The following SLC4A2 variants were observed in gnomAD, a reference collection of about 807,000 sequenced individuals.
SLC4A2 encodes the protein solute carrier family 4 member 2, also known as anion exchange protein 2.
In SLC4A2, 36 loss-of-function variants were observed where a neutral mutation model predicts 115.0. The ratio of observed to expected loss-of-function variants is 0.31; its 90% CI spans 0.24 to 0.41. SLC4A2 has a LOEUF of 0.41. Ranked by LOEUF, SLC4A2 falls within the 10% of genes least tolerant of loss-of-function variation. The pLI, the probability that SLC4A2 is intolerant of heterozygous loss-of-function variation, is 1.00. For synonymous variants in SLC4A2, 708 were observed against 708.3 expected, an observed-to-expected ratio of 1.00 and a Z score of 0.01; for missense variants, 1,252 against 1,705.6, an observed-to-expected ratio of 0.73 and a Z score of 4.68.
At position 151,070,087 on chromosome 7, in the gene SLC4A2, G is replaced by A; in HGVS notation, c.1283+5G>A. ...GGCTCTGCTGTTGAAACACAGGTGA[G>A]GCCCTGTGGGCCAGTTGGGGATGAC... is the stretch of plus-strand genomic sequence containing the variant. On this transcript the variant is annotated splice_donor_5th_base_variant and intron_variant, in intron 9 of 22. Transcript: ENST00000413384. 3.1e-6 allele frequency: 5 copies of A among 1,613,932 alleles called. No individual in the cohort carries two copies. Among genetic ancestry groups the A allele is most frequent in the Non-Finnish European group, 4.2e-6 (5 of 1,179,886 alleles).
At position 151,064,922 on chromosome 7, in the gene SLC4A2, C is replaced by T. The variant is rs1258598640; in HGVS notation, c.534C>T (p.Pro178=). The T allele has an allele frequency of 2.5e-6, 4 of 1,613,908 alleles. No individual in the cohort carries two copies. The South Asian group carries it at 3.3e-5, about 13-fold the overall frequency. ...GTCCATCTTCCCCTGCACCACTGCC[C>T]CACCAGGAGGCGACTCCTCGGGCCT... The part of the protein sequence containing the change: ...RTSPSSPAPL[P]HQEATPRASK... Residue 178 remains proline, a synonymous_variant, in exon 5 of 23, where the codon CCC becomes CCT. Coordinates refer to ENST00000413384, the MANE Select transcript of SLC4A2 (RefSeq NM_003040.4).
chr7:151,069,864 C>T lies in SLC4A2; in HGVS notation c.1148-83C>T. The T allele has an allele frequency of 1.5e-5, 23 of 1,562,406 alleles. No homozygotes were observed. The Middle Eastern group carries it at 1.8e-3, about 123-fold the overall frequency. ...CCAGCCCCGGCACCCACCCACCTGT[C>T]CCCAGCTCCTGCTCCCCATCCCATC... On this transcript the variant is annotated intron_variant, in intron 8 of 22. Transcript: ENST00000413384.
In SLC4A2 at chr7:151,071,342, A is replaced by T. The variant is rs1488631680; in HGVS notation, c.1975+45A>T. On this transcript the variant is annotated intron_variant, in intron 13 of 22. Transcript: ENST00000413384. The surrounding 1 kb of genome is among the most constrained non-coding windows in gnomAD (Gnocchi z 5.5). ...GGGCCAGGGCTGCCTCGAGGGGGTG[A>T]GGTGGGCAAGAGGGGCTGGGGCGCC... 6.5e-7 allele frequency: 1 copy of T among 1,547,126 alleles called. No individual in the cohort carries two copies. Among genetic ancestry groups the T allele is most frequent in the South Asian group, 1.2e-5 (1 of 84,960 alleles).
intron 16 of SLC4A2, 69 bp from the exon 17 acceptor site, chr7:151,073,970 C>T (rs896329638): frequency 4.0e-6 from 6 of 1,485,436 alleles, no homozygotes; most frequent in East Asian, 2.3e-5. Flanking sequence ...TTCCACCCGA[C>T]ACTCACTGAG....
In SLC4A2 at chr7:151,076,205, C is replaced by T. The variant is rs990990031; in HGVS notation, c.3645+19C>T. On this transcript the variant is annotated intron_variant, in intron 22 of 22. Coordinates refer to ENST00000413384, the MANE Select transcript of SLC4A2 (RefSeq NM_003040.4). ...GAAATGTGTAAGCCCTCCCGTCTGC[C>T]TCCCCCGGTTCCTCTTGCCTCCCTG... 9 of 1,611,630 alleles carry T rather than the reference C, an allele frequency of 5.6e-6. No individual in the cohort carries two copies. The highest frequency in any genetic ancestry group is 7.6e-6 in the Non-Finnish European group (9 of 1,178,910).
In SLC4A2 at chr7:151,071,683, C is replaced by T; in HGVS notation, c.2192-6C>T. The T allele has an allele frequency of 6.2e-7, 1 of 1,610,464 alleles. No individual in the cohort carries two copies. The highest frequency in any genetic ancestry group is 8.5e-7 in the Non-Finnish European group (1 of 1,177,850). On this transcript the variant is annotated splice_polypyrimidine_tract_variant and splice_region_variant and intron_variant, in intron 14 of 22. Transcript: ENST00000413384. The surrounding 1 kb of genome is among the most constrained non-coding windows in gnomAD (Gnocchi z 5.5). ...CCAGCTCCTGAGCTGGTTCCTACAC[C>T]CCTAGGAGAGAAGACGCAGGACCTG...
Position 151,066,391 on chromosome 7 carries a change from C to T in SLC4A2, c.579-126C>T, listed in dbSNP as rs34464052. Reference sequence around the variant, plus strand: ...TCCCCCTCCCCGTGCCCGCACCTCCCGGGAGTGGGAGCTAGGAGGGCCTGG... The same window carrying T: ...TCCCCCTCCCCGTGCCCGCACCTCCTGGGAGTGGGAGCTAGGAGGGCCTGG... On this transcript the variant is annotated intron_variant, in intron 5 of 22. Coordinates refer to ENST00000413384, the MANE Select transcript of SLC4A2 (RefSeq NM_003040.4). 2.1e-3 allele frequency: 2,463 copies of T among 1,179,732 alleles called. 32 individuals carry two copies. In the African/African-American group the frequency reaches 0.03, roughly 14 times the overall value. The allele number at this position is 1,179,732 out of a possible 1,614,324, so 73.1% of individuals were successfully genotyped here.
Position 151,076,424 on chromosome 7 carries a change from G to C in SLC4A2, c.*57G>C. On this transcript the variant is annotated 3_prime_UTR_variant, in exon 23 of 23. Transcript: ENST00000413384. ...GACGAGGGGACAGGCTGGTGGGATGGGGTTCCCCCTCCCATGCCCCTCCCT... is the reference window on the plus strand; with the variant it reads ...GACGAGGGGACAGGCTGGTGGGATGCGGTTCCCCCTCCCATGCCCCTCCCT... 7.5e-7 allele frequency: 1 copy of C among 1,342,194 alleles called. No homozygotes were observed. The highest frequency in any genetic ancestry group is 2.7e-5 in the East Asian group (1 of 37,202). The allele number at this position is 1,342,194 out of a possible 1,614,324, so 83.1% of individuals were successfully genotyped here.
Position 151,066,746 on chromosome 7 carries a change from C to T in SLC4A2, c.808C>T (p.Leu270=). The T allele has an allele frequency of 6.4e-7, 1 of 1,565,532 alleles. No individual in the cohort carries two copies. The change falls in exon 6 of 23, where the codon CTA becomes TTA. Residue 270 remains leucine (L), a synonymous_variant. Coordinates refer to ENST00000413384, the MANE Select transcript of SLC4A2 (RefSeq NM_003040.4). ...GGCCCAGACGCTGGCCACGGCCGAC[C>T]TAGACCTCATGAAGAGTAAGTGCTG... The part of the protein sequence containing the change: ...IEAQTLATAD[L]DLMKSHRFED...
chr7:151,071,662 C>A lies in SLC4A2; in HGVS notation c.2192-27C>A. On this transcript the variant is annotated intron_variant, in intron 14 of 22. Coordinates refer to ENST00000413384, the MANE Select transcript of SLC4A2 (RefSeq NM_003040.4). This position sits in a 1 kb window ranked among gnomAD's most constrained non-coding sequence, Gnocchi z 5.5. ...GGACTGCCCAGGGCCTGGCCACCAG[C>A]TCCTGAGCTGGTTCCTACACCCCTA... The A allele has an allele frequency of 6.2e-7, 1 of 1,611,810 alleles. No individual in the cohort carries two copies. The highest frequency in any genetic ancestry group is 1.1e-5 in the South Asian group (1 of 90,916).
rs764555228 is a variant in SLC4A2 at position 151,061,945 on chromosome 7, C to T, written c.-43C>T. 3 of 1,595,330 alleles carry T rather than the reference C, an allele frequency of 1.9e-6. No individual in the cohort carries two copies. The Admixed American group carries it at 5.1e-5, about 27-fold the overall frequency. ...TCCAGGTTATGCCTCCGCCTCGTTG[C>T]CCTGAAAGCCGCAGCGACAGCGAAA... On this transcript the variant is annotated 5_prime_UTR_variant, in exon 2 of 23. Coordinates refer to ENST00000413384, the MANE Select transcript of SLC4A2 (RefSeq NM_003040.4).
Position 151,066,757 on chromosome 7 carries a change from G to A in SLC4A2, c.819G>A (p.Met273Ile). 1 of 1,571,806 alleles carries A rather than the reference G, an allele frequency of 6.4e-7. No individual in the cohort carries two copies. Among genetic ancestry groups the A allele is most frequent in the Non-Finnish European group, 8.6e-7 (1 of 1,158,366 alleles). The change falls in exon 6 of 23, where the codon ATG becomes ATA. Residue 273 changes from methionine to isoleucine, a missense_variant. Met to Ile is a conservative substitution (Grantham distance 10). Transcript: ENST00000413384. ...TGGCCACGGCCGACCTAGACCTCAT[G>A]AAGAGTAAGTGCTGGGCCTTGGCCA... ...QTLATADLDL[M>I]KSHRFEDVPG...
chr7:151,064,879 G>A lies in SLC4A2; in HGVS notation c.491G>A (p.Arg164Gln), dbSNP rs142748851. Residue 164 changes from arginine (R) to glutamine (Q), a missense_variant, in exon 5 of 23, where the codon CGG (arginine) becomes CAG (glutamine). Physicochemically the swap from Arg to Gln is conservative, Grantham distance 43. This residue lies in a region of SLC4A2 where 215 missense variants were observed against 205.2 expected (regional missense o/e 1.05). Coordinates refer to ENST00000413384, the MANE Select transcript of SLC4A2 (RefSeq NM_003040.4). ...CTCCAAGAGGATGACAGTGCTGACC[G>A]GAAGGCAGAGAGGACCAGTCCATCT... ...FFLQEDDSAD[R>Q]KAERTSPSSP... The A allele has an allele frequency of 2.0e-4, 328 of 1,613,976 alleles. 1 individual carries two copies. Among genetic ancestry groups the A allele is most frequent in the Admixed American group, 6.8e-4 (41 of 60,008 alleles).
chr7:151,068,440 T>C (rs1464630024), intron 8 of SLC4A2, among the ~76,000 whole-genome samples: 1 of 152,130 alleles, frequency 6.6e-6, no homozygotes, highest in Non-Finnish European at 1.5e-5. Context: ...TCCTTCCCAA[T>C]GAGTGACCAC....
chr7:151,058,313 TA>T (rs1450528192), upstream of SLC4A2: 31 of 201,618 alleles, frequency 1.5e-4, no homozygotes, highest in East Asian at 4.4e-3. Context: ...TTTGGCGGCC[TA>T]GATCCCGGGC....
chr7:151,065,946 G>A (rs973545626), intron 5 of SLC4A2, among the ~76,000 whole-genome samples: 1 of 152,142 alleles, frequency 6.6e-6, no homozygotes, highest in Non-Finnish European at 1.5e-5. Flanking sequence ...AGAAGGGAGA[G>A]AGCAGAAGCT....
At chr7:151,069,256 C>T (rs959307324) in intron 8 of SLC4A2, among the ~76,000 whole-genome samples, 10 of 150,790 alleles carry the variant, frequency 6.6e-5, no homozygotes, top group East Asian at 4.0e-4. Flanking sequence ...AAAGGGCCGC[C>T]GTGGAAGGGC....
Position 151,066,846 on chromosome 7 carries a change from C to A in SLC4A2, c.824-5C>A, listed in dbSNP as rs200897917. The A allele has an allele frequency of 3.7e-6, 6 of 1,610,620 alleles. No individual in the cohort carries two copies. The South Asian group carries it at 5.5e-5, about 15-fold the overall frequency. On this transcript the variant is annotated splice_polypyrimidine_tract_variant and splice_region_variant and intron_variant, in intron 6 of 22. Coordinates refer to ENST00000413384, the MANE Select transcript of SLC4A2 (RefSeq NM_003040.4). ...GAGCCCAACCTTGGTCCTCTGCCCC[C>A]ACAGGTCACCGGTTTGAGGACGTTC...
Position 151,076,420 on chromosome 7 carries a change from G to A in SLC4A2, c.*53G>A, listed in dbSNP as rs990461752. The stretch of plus-strand genomic sequence containing the variant: ...GATGGACGAGGGGACAGGCTGGTGG[G>A]ATGGGGTTCCCCCTCCCATGCCCCT... On this transcript the variant is annotated 3_prime_UTR_variant, in exon 23 of 23. Transcript: ENST00000413384. 1.4e-6 allele frequency: 2 copies of A among 1,380,400 alleles called. No individual in the cohort carries two copies. The highest frequency in any genetic ancestry group is 2.9e-5 in the African/African-American group (2 of 67,846). 85.5% of individuals were successfully genotyped at this position (1,380,400 alleles called of 1,614,324 possible).
Sources: allele counts gnomAD v4.1 joint callset (sites outside exome capture counted in the v4.1 genomes callset), GRCh38; gene constraint gnomAD v4.1.1; regional missense constraint gnomAD v4.1.1; non-coding constraint Gnocchi (gnomAD v3.1); transcripts MANE v1.5; gene names NCBI Gene and HGNC (gene_info 2026-07-23, HGNC 2026-07-21).